The following LMBRD1 variants were observed in gnomAD, a reference collection of about 807,000 sequenced individuals.
LMBRD1 encodes the protein LMBR1 domain containing 1.
Under a neutral mutation model 74.8 loss-of-function variants are expected in LMBRD1, and 64 were observed. That is an observed-to-expected ratio of 0.86 (90% CI 0.70 to 1.05). The LOEUF is 1.05. Among genes scored for constraint, LMBRD1 ranks in the 50% least tolerant of loss-of-function variants. The pLI, the probability that LMBRD1 is intolerant of heterozygous loss-of-function variation, is 0.00. For synonymous variants in LMBRD1, 204 were observed against 216.3 expected, an observed-to-expected ratio of 0.94 and a Z score of 0.50; for missense variants, 652 against 645.9, an observed-to-expected ratio of 1.01 and a Z score of -0.10.
At chr6:69,771,283 G>C (rs1031502127) in intron 3 of LMBRD1, among the ~76,000 whole-genome samples, 4 of 152,202 alleles carry the variant, frequency 2.6e-5, no homozygotes, top group Non-Finnish European at 4.4e-5. Context: ...TTTTTGGCAG[G>C]ATTCAGTTCC....
At chr6:69,698,292 TAAAG>T (rs1486182999) in intron 13 of LMBRD1, among the ~76,000 whole-genome samples, 1 of 151,982 alleles carries the variant, frequency 6.6e-6, no homozygotes, top group Non-Finnish European at 1.5e-5. Context: ...AATTGCATGT[TAAAG>T]TAAAGAAAGA....
intron 3 of LMBRD1, among the ~76,000 whole-genome samples, chr6:69,770,028 A>C (rs1359231276): frequency 6.6e-6 from 1 of 151,686 alleles, no homozygotes; most frequent in Non-Finnish European, 1.5e-5. Context: ...TAGGGCAGCC[A>C]GGAGTACATG....
intron 3 of LMBRD1, among the ~76,000 whole-genome samples, chr6:69,772,472 A>G (rs1277811511): frequency 6.6e-6 from 1 of 152,188 alleles, no homozygotes; most frequent in Non-Finnish European, 1.5e-5. Flanking sequence ...GACAAAAAGT[A>G]CAAGTCACAC....
intron 1 of LMBRD1, among the ~76,000 whole-genome samples, chr6:69,793,715 AATCTT>A (rs755092812): frequency 1.5e-5 from 2 of 130,678 alleles, no homozygotes; most frequent in South Asian, 2.4e-4. Flanking sequence ...TCATGTCCTG[AATCTT>A]TTTTTTTTTT....
chr6:69,718,750 G>A (rs551662856), intron 8 of LMBRD1, among the ~76,000 whole-genome samples: 1 of 152,032 alleles, frequency 6.6e-6, no homozygotes, highest in African/African-American at 2.4e-5. Context: ...CCTCCCACTG[G>A]GTCCCTCCCA....
At position 69,738,134 on chromosome 6, in the gene LMBRD1, G is replaced by GT; in HGVS notation, c.563-120dup. The stretch of plus-strand genomic sequence containing the variant: ...ATTTTGAAGAAATAAAAACCAATAT[G>GT]TATTACCGTATTCTTGAAGTGCTAA... On this transcript the variant is annotated intron_variant, in intron 6 of 15. Transcript: ENST00000649934. 7.1e-6 allele frequency: 5 copies of GT among 699,808 alleles called. No homozygotes were observed. In the South Asian group the frequency reaches 9.2e-5, roughly 13 times the overall value. The allele number at this position is 699,808 out of a possible 1,614,324, so 43.3% of individuals were successfully genotyped here. A position where few individuals can be genotyped will look rare whatever the true frequency, so the allele number is the denominator to read the frequency against.
chr6:69,785,359 G>C (rs1195713646), intron 2 of LMBRD1, among the ~76,000 whole-genome samples: 1 of 152,090 alleles, frequency 6.6e-6, no homozygotes, highest in Non-Finnish European at 1.5e-5. Flanking sequence ...TCCATATGTT[G>C]CTTCCCAAAT....
intron 14 of LMBRD1, among the ~76,000 whole-genome samples, chr6:69,683,902 T>A (rs1765711749): frequency 6.6e-6 from 1 of 152,070 alleles, no homozygotes; most frequent in African/African-American, 2.4e-5. Context: ...TCCTCCCATT[T>A]ATTTTAAAAT....
intron 2 of LMBRD1, among the ~76,000 whole-genome samples, chr6:69,788,698 G>C (rs1766014374): frequency 6.6e-6 from 1 of 152,138 alleles, no homozygotes. Flanking sequence ...ATTTTCTCTA[G>C]AAATAATGTT....
rs188679078 is a variant in LMBRD1 at position 69,792,653 on chromosome 6, G to A, written c.70-2181C>T. ...TGTGACTTTGTATTAATATTTGAAT[G>A]AGCTTGTTTTTAAAGGAATTCATAA... is the stretch of plus-strand genomic sequence containing the variant. On this transcript the variant is annotated intron_variant, in intron 1 of 15. Transcript: ENST00000649934. Among the ~76,000 whole-genome samples, 216 of 152,262 alleles carry A rather than the reference G, an allele frequency of 1.4e-3. 3 individuals are homozygous for A. The highest frequency in any genetic ancestry group is 1.2e-3 in the Non-Finnish European group (79 of 68,012).
chr6:69,718,772 A>T (rs575698959), intron 8 of LMBRD1, among the ~76,000 whole-genome samples, 184 bp downstream of exon 8: 7 of 152,286 alleles, frequency 4.6e-5, no homozygotes, highest in Non-Finnish European at 8.8e-5. Context: ...AACACGGGGG[A>T]TTATTGGAAC....
At chr6:69,725,174 C>T (rs190301589) in intron 7 of LMBRD1, among the ~76,000 whole-genome samples, 47 of 152,108 alleles carry the variant, frequency 3.1e-4, no homozygotes, top group African/African-American at 1.1e-3. Flanking sequence ...TGAAAGATCA[C>T]TGCAATGAAA....
intron 9 of LMBRD1, among the ~76,000 whole-genome samples, chr6:69,711,952 C>A (rs1766392775): frequency 6.6e-6 from 1 of 151,982 alleles, no homozygotes; most frequent in African/African-American, 2.4e-5. Context: ...AGCAAGGAAC[C>A]CATTAGTTAT....
intron 9 of LMBRD1, chr6:69,706,257 A>T (rs1766255849): frequency 1.1e-5 from 3 of 275,614 alleles, no homozygotes; most frequent in Non-Finnish European, 2.1e-5. Flanking sequence ...CACATCAGGG[A>T]CTGATCTCTA....
At chr6:69,700,958 C>T in intron 11 of LMBRD1, 89 bp from the exon 12 acceptor site, 1 of 901,592 alleles carries the variant, frequency 1.1e-6, no homozygotes, top group Non-Finnish European at 1.6e-6. Flanking sequence ...TCATTATTCT[C>T]ATCCGGCAAA....
rs180847161 is a variant in LMBRD1, at chr6:69,695,777, G to A, written c.1417+1786C>T. On this transcript the variant is annotated intron_variant, in intron 14 of 15. Coordinates refer to ENST00000649934, the MANE Select transcript of LMBRD1 (RefSeq NM_018368.4). ...CCAACTGCTTATGAGACCTCCACCT[G>A]AACATTTTTGAGACATCTCAAGTCA... 1.0e-3 allele frequency among the ~76,000 whole-genome samples: 157 copies of A among 151,342 alleles called. 1 individual carries two copies. Among genetic ancestry groups the A allele is most frequent in the Admixed American group, 8.0e-3 (122 of 15,184 alleles).
At chr6:69,744,921 C>T (rs1439545486) in intron 5 of LMBRD1, among the ~76,000 whole-genome samples, 12 of 152,086 alleles carry the variant, frequency 7.9e-5, no homozygotes, top group Admixed American at 7.9e-4. Context: ...CAGCTCACTG[C>T]AACCTCTGCC....
chr6:69,749,493 A>C, intron 4 of LMBRD1, 85 bp from the exon 5 acceptor site: 2 of 974,970 alleles, frequency 2.1e-6, no homozygotes, highest in Non-Finnish European at 3.3e-6. Flanking sequence ...CAGTACCTTC[A>C]CATCAGATAC....
intron 3 of LMBRD1, among the ~76,000 whole-genome samples, chr6:69,769,935 T>G (rs1035161164): frequency 6.6e-6 from 1 of 152,274 alleles, no homozygotes; most frequent in Middle Eastern, 3.4e-3. Flanking sequence ...TGAACCTGCA[T>G]ATTGGTAGGA....
Sources: allele counts gnomAD v4.1 joint callset (sites outside exome capture counted in the v4.1 genomes callset), GRCh38; gene constraint gnomAD v4.1.1; transcripts MANE v1.5; gene names NCBI Gene and HGNC (gene_info 2026-07-23, HGNC 2026-07-21).